PRRC2B: variants seen among roughly 807,000 people sequenced by gnomAD.
The protein encoded by PRRC2B is protein PRRC2B.
Under a neutral mutation model 242.3 loss-of-function variants are expected in PRRC2B, and 68 were observed. That is an observed-to-expected ratio of 0.28 (90% CI 0.23 to 0.34). PRRC2B has a LOEUF of 0.34. PRRC2B is among the 10% of genes least tolerant of loss of function. The pLI is 1.00. For missense variants in PRRC2B, 2,835 were observed against 2,954.8 expected (o/e 0.96, Z 0.94); for synonymous variants, 1,228 against 1,173.6 (o/e 1.05, Z -0.95).
Position 131,447,136 on chromosome 9 carries a change from T to G in PRRC2B, c.907T>G (p.Phe303Val), listed in dbSNP as rs1347705301. 6.2e-7 allele frequency: 1 copy of G among 1,614,036 alleles called. No homozygotes were observed. The highest frequency in any genetic ancestry group is 2.2e-5 in the East Asian group (1 of 44,890). Residue 303 changes from phenylalanine (F) to valine (V), a missense_variant, in exon 8 of 32, where the codon TTT (phenylalanine) becomes GTT (valine). Physicochemically the swap from Phe to Val is conservative, Grantham distance 50. This residue lies in a region of PRRC2B where 626 missense variants were observed against 685.5 expected (regional missense o/e 0.91). Coordinates refer to ENST00000683519, the MANE Select transcript of PRRC2B (RefSeq NM_013318.4). ...CCAGGGTACAGTGGAACGAGGCTCT[T>G]TTCCCCTTCCTCAGCTCCGCCTTGA... ...ENQGTVERGS[F>V]PLPQLRLEPR... is the part of the protein sequence containing the mutation.
intron 18 of PRRC2B, among the ~76,000 whole-genome samples, 187 bp from the exon 19 acceptor site, chr9:131,479,065 G>C (rs1943785828): frequency 6.6e-6 from 1 of 152,146 alleles, no homozygotes; most frequent in African/African-American, 2.4e-5. Flanking sequence ...TGGCCTTTCA[G>C]GTCTTTCTTG....
chr9:131,462,005 G>T (rs906479923), intron 11 of PRRC2B, among the ~76,000 whole-genome samples: 1 of 152,148 alleles, frequency 6.6e-6, no homozygotes, highest in Non-Finnish European at 1.5e-5. Flanking sequence ...AAATTATTCT[G>T]CAGTTAATCC....
chr9:131,382,915 G>A (rs573145818), intron 1 of PRRC2B, among the ~76,000 whole-genome samples: 4 of 152,106 alleles, frequency 2.6e-5, no homozygotes, highest in Admixed American at 2.6e-4. Context: ...AAAGTGCTGG[G>A]ATGACAGGCC....
rs749110382 is a variant in PRRC2B, at chr9:131,409,421, T to G, written c.-52+15158T>G. On this transcript the variant is annotated intron_variant, in intron 1 of 31. Coordinates refer to ENST00000683519, the MANE Select transcript of PRRC2B (RefSeq NM_013318.4). ...CTGGTCTCGAACGCCTGACCCCAGG[T>G]GATCTGCCCATCTCGGCCTCCCAAA... Among the ~76,000 whole-genome samples the G allele has an allele frequency of 1.5e-4, 23 of 152,334 alleles. 1 individual carries two copies. Among genetic ancestry groups the G allele is most frequent in the African/African-American group, 4.8e-4 (20 of 41,572 alleles).
At position 131,474,457 on chromosome 9, in the gene PRRC2B, T is replaced by C; in HGVS notation, c.2328T>C (p.Asn776=). 6.2e-7 allele frequency: 1 copy of C among 1,601,172 alleles called. No homozygotes were observed. The highest frequency in any genetic ancestry group is 8.5e-7 in the Non-Finnish European group (1 of 1,172,192). The part of the protein sequence containing the change: ...DTLAMDMRVR[N]ESSFSASLGR... ...GATTTTTCTGGTTCCTTTTCAGGAA[T>C]GAAAGCTCTTTCTCTGCCTCACTCG... Residue 776 remains asparagine, a synonymous_variant, in exon 16 of 32, where the codon AAT becomes AAC. Transcript: ENST00000683519.
intron 1 of PRRC2B, among the ~76,000 whole-genome samples, chr9:131,380,905 A>G (rs979625818): frequency 6.6e-6 from 1 of 150,788 alleles, no homozygotes; most frequent in Non-Finnish European, 1.5e-5. Context: ...AAAAAGAGTG[A>G]TTTGTATATT....
At chr9:131,436,768 C>T in intron 4 of PRRC2B, 46 bp downstream of exon 4, 2 of 1,478,586 alleles carry the variant, frequency 1.4e-6, no homozygotes, top group Non-Finnish European at 9.4e-7. Flanking sequence ...GCATGGTAGC[C>T]CCTAAATCTC....
At position 131,446,375 on chromosome 9, in the gene PRRC2B, C is replaced by G; in HGVS notation, c.614-26C>G. 6.2e-7 allele frequency: 1 copy of G among 1,612,080 alleles called. No homozygotes were observed. Among genetic ancestry groups the G allele is most frequent in the Non-Finnish European group, 8.5e-7 (1 of 1,178,986 alleles). ...CTCCTTCCCCCTCCTCTTCCCTCTC[C>G]CCTTTTGCCCCCTTTCAATTTCCAG... On this transcript the variant is annotated intron_variant, in intron 6 of 31. Coordinates refer to ENST00000683519, the MANE Select transcript of PRRC2B (RefSeq NM_013318.4). This position sits in a 1 kb window ranked among gnomAD's most constrained non-coding sequence, Gnocchi z 4.1.
At chr9:131,394,532 G>A (rs1487014446) in intron 1 of PRRC2B, among the ~76,000 whole-genome samples, 1 of 148,854 alleles carries the variant, frequency 6.7e-6, no homozygotes, top group Non-Finnish European at 1.5e-5. Flanking sequence ...CCTCAGGCTC[G>A]GGCGGGGTCC....
chr9:131,475,982 G>A lies in PRRC2B; in HGVS notation c.3853G>A (p.Asp1285Asn), dbSNP rs1253176027. 1.2e-6 allele frequency: 2 copies of A among 1,609,936 alleles called. No homozygotes were observed. Among genetic ancestry groups the A allele is most frequent in the Non-Finnish European group, 8.5e-7 (1 of 1,176,720 alleles). The change falls in exon 16 of 32, where the codon GAT becomes AAT. Residue 1285 changes from aspartate to asparagine, a missense_variant. Asp to Asn is a conservative substitution (Grantham distance 23). This residue lies in a region of PRRC2B where 1,536 missense variants were observed against 1,483.1 expected (regional missense o/e 1.04). Coordinates refer to ENST00000683519, the MANE Select transcript of PRRC2B (RefSeq NM_013318.4). ...GGAGGACAAGAGATCCTTCTTCCAA[G>A]ATGAACACGTGGCAGATTCTGAAAA... is the stretch of plus-strand genomic sequence containing the variant. ...RAEDKRSFFQDEHVADSENAE... is the reference protein window; with the variant it reads ...RAEDKRSFFQNEHVADSENAE...
chr9:131,382,650 T>G (rs1836776073), intron 1 of PRRC2B, among the ~76,000 whole-genome samples: 1 of 151,560 alleles, frequency 6.6e-6, no homozygotes, highest in Non-Finnish European at 1.5e-5. Context: ...TCCTTTTTTT[T>G]TTTTGGAGAC....
At chr9:131,485,181 T>C in intron 25 of PRRC2B, 41 bp downstream of exon 25, 4 of 1,466,758 alleles carry the variant, frequency 2.7e-6, no homozygotes, top group Non-Finnish European at 3.7e-6. Flanking sequence ...TCCTTCTCCA[T>C]TTATTATCAA....
In PRRC2B at chr9:131,475,438, T is replaced by A; in HGVS notation, c.3309T>A (p.Ser1103Arg). 6.3e-7 allele frequency: 1 copy of A among 1,580,120 alleles called. No individual in the cohort carries two copies. Among genetic ancestry groups the A allele is most frequent in the Non-Finnish European group, 8.6e-7 (1 of 1,163,290 alleles). The change falls in exon 16 of 32, where the codon AGT becomes AGA. Residue 1103 changes from serine to arginine, a missense_variant. This residue lies in a region of PRRC2B where 1,536 missense variants were observed against 1,483.1 expected (regional missense o/e 1.04). Coordinates refer to ENST00000683519, the MANE Select transcript of PRRC2B (RefSeq NM_013318.4). ...VLGARSIYCSSQRSGRGRGLR... is the reference protein window; with the variant it reads ...VLGARSIYCSRQRSGRGRGLR... ...GGGCCCGCAGCATCTACTGCAGCAG[T>A]CAGCGCAGCGGCCGTGGCCGGGGCC...
At chr9:131,484,438 A>G (rs1943956876) in intron 23 of PRRC2B, among the ~76,000 whole-genome samples, 1 of 152,186 alleles carries the variant, frequency 6.6e-6, no homozygotes, top group Non-Finnish European at 1.5e-5. Flanking sequence ...GAGATCAGTC[A>G]TGGTCCTGGC....
intron 1 of PRRC2B, among the ~76,000 whole-genome samples, chr9:131,401,949 C>T (rs770489282): frequency 2.4e-4 from 36 of 151,412 alleles, no homozygotes; most frequent in Admixed American, 4.6e-4. Context: ...GCGTGAGCCA[C>T]TGTGCTTGGT....
chr9:131,476,300 G>A lies in PRRC2B; in HGVS notation c.4171G>A (p.Glu1391Lys). ...SDFSERRERR[E>K]GPGSEPDSQV... Reference sequence around the variant, plus strand: ...CTTCAGCGAGCGGCGGGAGCGGCGGGAAGGCCCTGGGTCCGAGCCCGACTC... The same window carrying A: ...CTTCAGCGAGCGGCGGGAGCGGCGGAAAGGCCCTGGGTCCGAGCCCGACTC... Residue 1391 changes from glutamate to lysine, a missense_variant, in exon 16 of 32, where the codon GAA (glutamate) becomes AAA (lysine). Glu to Lys is a moderately conservative substitution (Grantham distance 56). This residue lies in a region of PRRC2B where 1,536 missense variants were observed against 1,483.1 expected (regional missense o/e 1.04). Coordinates refer to ENST00000683519, the MANE Select transcript of PRRC2B (RefSeq NM_013318.4). The A allele has an allele frequency of 6.3e-7, 1 of 1,586,116 alleles. No individual in the cohort carries two copies. The highest frequency in any genetic ancestry group is 8.6e-7 in the Non-Finnish European group (1 of 1,166,728).
At position 131,459,189 on chromosome 9, in the gene PRRC2B, C is replaced by A; in HGVS notation, c.1237C>A (p.Arg413=). The A allele has an allele frequency of 6.2e-7, 1 of 1,613,938 alleles. No individual in the cohort carries two copies. The highest frequency in any genetic ancestry group is 8.5e-7 in the Non-Finnish European group (1 of 1,179,862). ...GAACAGTTGGGACCCTAGGAGGCAG[C>A]GGCAGTTGTCAATGAGCTCTGCAGA... ...KWNSWDPRRQ[R]QLSMSSADSA... Residue 413 remains arginine, a synonymous_variant, in exon 11 of 32, where the codon CGG becomes AGG. Coordinates refer to ENST00000683519, the MANE Select transcript of PRRC2B (RefSeq NM_013318.4).
chr9:131,445,910 C>T (rs756637112), intron 6 of PRRC2B, among the ~76,000 whole-genome samples: 2 of 152,234 alleles, frequency 1.3e-5, no homozygotes, highest in African/African-American at 2.4e-5. Flanking sequence ...GGAAGGACAG[C>T]AGCTGCGCCT....
At chr9:131,432,539 G>A in intron 2 of PRRC2B, 78 bp from the exon 3 acceptor site, 4 of 1,363,682 alleles carry the variant, frequency 2.9e-6, no homozygotes, top group Non-Finnish European at 4.1e-6. Context: ...GAGATTGAAA[G>A]AACAGCTGAA....
Sources: allele counts gnomAD v4.1 joint callset (sites outside exome capture counted in the v4.1 genomes callset), GRCh38; gene constraint gnomAD v4.1.1; regional missense constraint gnomAD v4.1.1; non-coding constraint Gnocchi (gnomAD v3.1); transcripts MANE v1.5; gene names NCBI Gene and HGNC (gene_info 2026-07-23, HGNC 2026-07-21).